ACP4: variants seen among roughly 807,000 people sequenced by gnomAD.
ACP4 encodes the protein acid phosphatase 4.
A neutral mutation model predicts 47.3 loss-of-function variants in ACP4; 49 were observed. The observed-to-expected ratio is 1.04, with a 90% CI of 0.82 to 1.32. The LOEUF (loss-of-function observed/expected upper bound fraction) is 1.32. Among genes scored for constraint, ACP4 ranks in the 40% most tolerant of loss-of-function variants. ACP4 has a pLI of 0.00. For missense variants in ACP4, 594 were observed against 579.3 expected, an observed-to-expected ratio of 1.03 and a Z score of -0.26; for synonymous variants, 299 against 265.3, an observed-to-expected ratio of 1.13 and a Z score of -1.23.
chr19:50,792,276 T>C lies in ACP4; in HGVS notation c.584T>C (p.Leu195Pro), dbSNP rs916365287. The C allele has an allele frequency of 8.7e-6, 14 of 1,613,406 alleles. No homozygotes were observed. Among genetic ancestry groups the C allele is most frequent in the Non-Finnish European group, 1.2e-5 (14 of 1,180,016 alleles). The change falls in exon 6 of 11, where the codon CTG (leucine) becomes CCG (proline). Residue 195 changes from leucine to proline, a missense_variant. Physicochemically the swap from Leu to Pro is moderately conservative, Grantham distance 98. Coordinates refer to ENST00000270593, the MANE Select transcript of ACP4 (RefSeq NM_033068.3). The stretch of plus-strand genomic sequence containing the variant: ...AGTCGCCTGGAGAACTTCACGGGAC[T>C]GTCGCTGGTTGGAGAGCCACTGCGC... ...FLSRLENFTGLSLVGEPLRRA... is the reference protein window; with the variant it reads ...FLSRLENFTGPSLVGEPLRRA...
In ACP4 at chr19:50,794,849, C is replaced by A. The variant is rs201376769; in HGVS notation, c.1050C>A (p.Leu350=). 3 of 1,613,314 alleles carry A rather than the reference C, an allele frequency of 1.9e-6. No individual in the cohort carries two copies. The highest frequency in any genetic ancestry group is 2.2e-5 in the South Asian group (2 of 90,970). The part of the protein sequence containing the change: ...DSAHLPLPLS[L]PGCPAPCPLG... The stretch of plus-strand genomic sequence containing the variant: ...CCCACCTGCCCCTGCCTCTCAGCCT[C>A]CCCGGGTGCCCGGCCCCCTGTCCAC... The change falls in exon 10 of 11, where the codon CTC becomes CTA. Residue 350 remains leucine (L), a synonymous_variant. Transcript: ENST00000270593.
In ACP4 at chr19:50,792,301, C is replaced by G. The variant is rs201693657; in HGVS notation, c.609C>G (p.Arg203=). The change falls in exon 6 of 11, where the codon CGC becomes CGG. Residue 203 remains arginine (R), a synonymous_variant. Transcript: ENST00000270593. The stretch of plus-strand genomic sequence containing the variant: ...TGTCGCTGGTTGGAGAGCCACTGCG[C>G]AGGGCATGGAAGGTTCTGGACACCC... ...TGLSLVGEPL[R]RAWKVLDTLM... is the part of the protein sequence containing the mutation. 1 of 1,613,518 alleles carries G rather than the reference C, an allele frequency of 6.2e-7. No homozygotes were observed. The highest frequency in any genetic ancestry group is 8.5e-7 in the Non-Finnish European group (1 of 1,180,020).
chr19:50,793,385 C>A, intron 6 of ACP4: 1 of 352,032 alleles, frequency 2.8e-6, no homozygotes, highest in Non-Finnish European at 5.2e-6. Flanking sequence ...AATGGTGGCA[C>A]ACACTTGTAA....
In ACP4 at chr19:50,790,522, T is replaced by A; in HGVS notation, c.108T>A (p.Ala36=). 1.4e-5 allele frequency: 22 copies of A among 1,546,034 alleles called. No homozygotes were observed. The highest frequency in any genetic ancestry group is 1.7e-5 in the Non-Finnish European group (20 of 1,145,696). ...CAGAAGGACCCCTGGTGTTCGTGGC[T>A]CTGGTGAGGCGCCCCCACCCCGGCC... ...ALPEGPLVFV[A]LVFRHGDRAP... is the part of the protein sequence containing the mutation. Residue 36 remains alanine (A), a synonymous_variant, in exon 1 of 11, where the codon GCT becomes GCA. Coordinates refer to ENST00000270593, the MANE Select transcript of ACP4 (RefSeq NM_033068.3).
chr19:50,793,064 C>CTCAA, intron 6 of ACP4: 3 of 155,234 alleles, frequency 1.9e-5, no homozygotes, highest in South Asian at 2.0e-4. Context: ...GGGGCTGCCC[C>CTCAA]GGCCCTTGCT....
chr19:50,791,570 G>C, intron 3 of ACP4, 86 bp from the exon 4 acceptor site: 1 of 1,533,160 alleles, frequency 6.5e-7, no homozygotes. Flanking sequence ...ACTCCAAAGT[G>C]AATCTGAGGC....
rs1307711593 is a variant in ACP4, at chr19:50,790,798, C to T, written c.241C>T (p.Leu81=). 3 of 1,548,406 alleles carry T rather than the reference C, an allele frequency of 1.9e-6. No individual in the cohort carries two copies. Among genetic ancestry groups the T allele is most frequent in the Non-Finnish European group, 2.6e-6 (3 of 1,146,794 alleles). The change falls in exon 3 of 11, where the codon CTG becomes TTG. Residue 81 remains leucine (L), a synonymous_variant. Transcript: ENST00000270593. ...TTEGVRQQLE[L]GRFLRSRYEA... ...GGAGGGGGTCCGCCAGCAGCTGGAG[C>T]TGGGCCGCTTCCTGAGGAGCCGCTA...
At position 50,793,658 on chromosome 19, in the gene ACP4, G is replaced by T. The variant is rs765645784; in HGVS notation, c.646-26G>T. The T allele has an allele frequency of 7.5e-6, 12 of 1,608,732 alleles. No individual in the cohort carries two copies. In the Admixed American group the frequency reaches 1.0e-4, roughly 13 times the overall value. ...AGAGGCAAACTCGAGGGCTCAGGAT[G>T]GTCCATCTGTCCTGTCTCCCCACAG... On this transcript the variant is annotated intron_variant, in intron 6 of 10. Transcript: ENST00000270593.
At chr19:50,794,379 T>C (rs2123293622) in intron 8 of ACP4, 78 bp from the exon 9 acceptor site, 3 of 1,571,712 alleles carry the variant, frequency 1.9e-6, no homozygotes, top group South Asian at 1.2e-5. Context: ...CTGGGGGACA[T>C]CTGGATGCGC....
In ACP4 at chr19:50,795,068, A is replaced by G; in HGVS notation, c.1191A>G (p.Gly397=). 1.2e-6 allele frequency: 2 copies of G among 1,600,896 alleles called. No homozygotes were observed. The highest frequency in any genetic ancestry group is 1.7e-6 in the Non-Finnish European group (2 of 1,174,392). ...PPAPVVPLLA[G]AVAVLVALSL... ...CTCCAGTGGTGCCCCTGCTGGCCGG[A>G]GCTGTAGCTGTGCTGGTGGCACTCA... Residue 397 remains glycine (G), a synonymous_variant, in exon 11 of 11, where the codon GGA becomes GGG. Coordinates refer to ENST00000270593, the MANE Select transcript of ACP4 (RefSeq NM_033068.3).
intron 3 of ACP4, among the ~76,000 whole-genome samples, chr19:50,791,092 C>G (rs998551655): frequency 6.6e-6 from 1 of 152,200 alleles, no homozygotes; most frequent in African/African-American, 2.4e-5. Flanking sequence ...ACTTTATTTT[C>G]TGGCCTCCAT....
intron 9 of ACP4, 90 bp downstream of exon 9, chr19:50,794,671 G>A (rs2089540522): frequency 3.1e-6 from 5 of 1,601,280 alleles, no homozygotes; most frequent in Admixed American, 3.4e-5. Flanking sequence ...GGCCAGGTGG[G>A]GAGCTGCATG....
Position 50,793,910 on chromosome 19 carries a change from T to C in ACP4, c.801T>C (p.Leu267=). 1 of 1,614,148 alleles carries C rather than the reference T, an allele frequency of 6.2e-7. No homozygotes were observed. Among genetic ancestry groups the C allele is most frequent in the Non-Finnish European group, 8.5e-7 (1 of 1,180,032 alleles). ...LTGGILLNAI[L]ANFSRVQRLG... ...CAGGGATCCTGCTGAATGCTATCCT[T>C]GCAAACTTCTCCCGGGTCCAGCGCC... is the stretch of plus-strand genomic sequence containing the variant. Residue 267 remains leucine, a synonymous_variant, in exon 8 of 11, where the codon CTT becomes CTC. Transcript: ENST00000270593.
At chr19:50,793,300 A>G in intron 6 of ACP4, 1 of 195,890 alleles carries the variant, frequency 5.1e-6, no homozygotes, top group Non-Finnish European at 1.1e-5. Flanking sequence ...ACCTGAGGTC[A>G]GGAGTTTCAG....
intron 6 of ACP4, chr19:50,792,676 C>T (rs950549378): frequency 7.0e-4 from 78 of 110,670 alleles, no homozygotes; most frequent in African/African-American, 2.8e-3. Context: ...TGATGCAATG[C>T]TTTTTTTTTT....
At position 50,794,447 on chromosome 19, in the gene ACP4, C is replaced by T; in HGVS notation, c.862-10C>T. 4 of 1,613,188 alleles carry T rather than the reference C, an allele frequency of 2.5e-6. No homozygotes were observed. The highest frequency in any genetic ancestry group is 3.4e-6 in the Non-Finnish European group (4 of 1,179,852). On this transcript the variant is annotated splice_polypyrimidine_tract_variant and intron_variant, in intron 8 of 10. Transcript: ENST00000270593. ...AGAAGTGCCGTCTCAGCCCTCGGGT[C>T]CACCTGCAGCATGACAGCACCCTGC... is the stretch of plus-strand genomic sequence containing the variant.
intron 6 of ACP4, chr19:50,793,353 T>TAA (rs577999300): frequency 1.7e-4 from 39 of 234,658 alleles, no homozygotes; most frequent in South Asian, 4.6e-4. Flanking sequence ...CTACTAAAAA[T>TAA]AAAAAAAAAA....
chr19:50,790,476 T>G lies in ACP4; in HGVS notation c.62T>G (p.Val21Gly). 1 of 1,570,134 alleles carries G rather than the reference T, an allele frequency of 6.4e-7. No homozygotes were observed. Among genetic ancestry groups the G allele is most frequent in the Non-Finnish European group, 8.6e-7 (1 of 1,160,752 alleles). ...AGPLLLLLLL[V>G]LPPRALPEGP... ...CCTCTCCTGCTGCTGCTGCTGCTGG[T>G]GCTGCCACCCCGGGCCCTGCCAGAA... The change falls in exon 1 of 11, where the codon GTG (valine) becomes GGG (glycine). Residue 21 changes from valine (V) to glycine (G), a missense_variant. Physicochemically the swap from Val to Gly is moderately radical, Grantham distance 109 (BLOSUM62 -3). Transcript: ENST00000270593.
intron 8 of ACP4, 95 bp downstream of exon 8, chr19:50,794,065 C>T: frequency 7.1e-7 from 1 of 1,411,170 alleles, no homozygotes; most frequent in Non-Finnish European, 9.9e-7. Flanking sequence ...CCCAGTGGAT[C>T]TCAGCCCACT....
Sources: allele counts gnomAD v4.1 joint callset (sites outside exome capture counted in the v4.1 genomes callset), GRCh38; gene constraint gnomAD v4.1.1; transcripts MANE v1.5; gene names NCBI Gene and HGNC (gene_info 2026-07-23, HGNC 2026-07-21).